Variants in LIMS1 observed in about 807,000 individuals in gnomAD.
LIMS1 encodes the protein LIM zinc finger domain containing 1.
A neutral mutation model predicts 44.1 loss-of-function variants in LIMS1; 18 were observed. That is an observed-to-expected ratio of 0.41 (90% CI 0.28 to 0.61). LIMS1 has a LOEUF of 0.61. Ranked by LOEUF, LIMS1 falls within the 20% of genes least tolerant of loss-of-function variation. The probability of loss-of-function intolerance (pLI) is 0.32; values close to 1 mark genes in which losing one functional copy is unlikely to be tolerated. For missense variants in LIMS1, 201 were observed against 422.0 expected (o/e 0.48, Z 4.59); for synonymous variants, 93 against 149.1 (o/e 0.62, Z 2.74).
intron 1 of LIMS1, among the ~76,000 whole-genome samples, chr2:108,584,013 G>C (rs1685996495): frequency 6.6e-6 from 1 of 151,956 alleles, no homozygotes. Context: ...GTTTCTATGT[G>C]AGACTGATAA....
intron 5 of LIMS1, among the ~76,000 whole-genome samples, chr2:108,674,850 T>A (rs1195014242): frequency 6.6e-6 from 1 of 150,908 alleles, no homozygotes; most frequent in Non-Finnish European, 1.5e-5. Flanking sequence ...CTCTTGGGGA[T>A]TCACCTCTGT....
chr2:108,630,459 TGTTGGA>T (rs1688848700), intron 1 of LIMS1, among the ~76,000 whole-genome samples: 1 of 152,232 alleles, frequency 6.6e-6, no homozygotes, highest in Admixed American at 6.5e-5. Context: ...ACTTGATGAC[TGTTGGA>T]GTTGGATAAT....
At chr2:108,563,586 T>TA (rs1171194482) in intron 1 of LIMS1, among the ~76,000 whole-genome samples, 1 of 152,220 alleles carries the variant, frequency 6.6e-6, no homozygotes, top group African/African-American at 2.4e-5. Context: ...AATTTCATGA[T>TA]AAAACTTGAA....
intron 1 of LIMS1, among the ~76,000 whole-genome samples, chr2:108,543,777 A>G (rs1167462046): frequency 6.6e-6 from 1 of 152,212 alleles, no homozygotes; most frequent in Non-Finnish European, 1.5e-5. Context: ...GAAAACTGCA[A>G]TTTTGAGTTG....
At chr2:108,622,848 A>G (rs566975953) in intron 1 of LIMS1, among the ~76,000 whole-genome samples, 1 of 152,162 alleles carries the variant, frequency 6.6e-6, no homozygotes, top group African/African-American at 2.4e-5. Context: ...TAAGTTATAT[A>G]AAAAAAATTC....
intron 1 of LIMS1, among the ~76,000 whole-genome samples, chr2:108,647,077 TAAA>T: frequency 6.6e-6 from 1 of 151,570 alleles, no homozygotes; most frequent in Middle Eastern, 3.4e-3. Flanking sequence ...GTGAGAATAA[TAAA>T]GAAGAAAAGA....
At position 108,636,240 on chromosome 2, in the gene LIMS1, C is replaced by A. The variant is rs369618446; in HGVS notation, c.33-23365C>A. On this transcript the variant is annotated intron_variant, in intron 1 of 9. Transcript: ENST00000544547. Reference sequence around the variant, plus strand: ...CTGGCACAGATTGCTGGAAATCCTCCTTTCCAATACCAGAGAAGGCTGTTC... The same window carrying A: ...CTGGCACAGATTGCTGGAAATCCTCATTTCCAATACCAGAGAAGGCTGTTC... Among the ~76,000 whole-genome samples, 33 of 152,350 alleles carry A rather than the reference C, an allele frequency of 2.2e-4. 1 individual carries two copies. In the East Asian group the frequency reaches 2.5e-3, roughly 12 times the overall value.
At chr2:108,568,299 G>A (rs1685363718) in intron 1 of LIMS1, among the ~76,000 whole-genome samples, 1 of 152,142 alleles carries the variant, frequency 6.6e-6, no homozygotes, top group South Asian at 2.1e-4. Flanking sequence ...TTGTTCTTTT[G>A]TGACTGGCTT....
intron 1 of LIMS1, among the ~76,000 whole-genome samples, chr2:108,556,331 A>G (rs1684924171): frequency 6.6e-6 from 1 of 152,118 alleles, no homozygotes; most frequent in Admixed American, 6.6e-5. Flanking sequence ...GTACTTGTTT[A>G]TCCATTTATC....
At chr2:108,555,063 G>A (rs576476778) in intron 1 of LIMS1, among the ~76,000 whole-genome samples, 16 of 152,236 alleles carry the variant, frequency 1.1e-4, no homozygotes, top group African/African-American at 3.4e-4. Flanking sequence ...CATTTTCTTC[G>A]GTTACTTCCC....
chr2:108,661,277 C>T (rs1326575678), intron 2 of LIMS1, among the ~76,000 whole-genome samples: 2 of 150,252 alleles, frequency 1.3e-5, no homozygotes, highest in Non-Finnish European at 3.0e-5. Flanking sequence ...AACACACATT[C>T]CCAACAACAA....
chr2:108,568,323 A>G (rs747996859), intron 1 of LIMS1, among the ~76,000 whole-genome samples: 5 of 152,222 alleles, frequency 3.3e-5, no homozygotes, highest in Non-Finnish European at 7.3e-5. Context: ...ATTTCACTTC[A>G]CATAATGTCC....
At chr2:108,682,404 A>G (rs1309141749) in intron 9 of LIMS1, among the ~76,000 whole-genome samples, 1 of 152,038 alleles carries the variant, frequency 6.6e-6, no homozygotes, top group Admixed American at 6.6e-5. Context: ...CGAGGCTGAG[A>G]CAGGAGAATC....
intron 2 of LIMS1, among the ~76,000 whole-genome samples, chr2:108,661,445 T>C (rs970718559): frequency 6.6e-6 from 1 of 152,004 alleles, no homozygotes; most frequent in Non-Finnish European, 1.5e-5. Context: ...GGGAATCTTT[T>C]GGGCAAGGAT....
At chr2:108,671,888 T>G (rs1229045103) in intron 3 of LIMS1, among the ~76,000 whole-genome samples, 3 of 152,176 alleles carry the variant, frequency 2.0e-5, no homozygotes, top group African/African-American at 7.2e-5. Flanking sequence ...ACATAAAAAG[T>G]TCTTCTACTG....
chr2:108,589,449 G>C (rs1474586469), intron 1 of LIMS1, among the ~76,000 whole-genome samples: 2 of 151,924 alleles, frequency 1.3e-5, no homozygotes, highest in Non-Finnish European at 2.9e-5. Flanking sequence ...TCCTAATTTT[G>C]TACCTGTTGA....
chr2:108,604,148 T>G (rs1687151018), intron 1 of LIMS1, among the ~76,000 whole-genome samples: 1 of 152,232 alleles, frequency 6.6e-6, no homozygotes, highest in African/African-American at 2.4e-5. Flanking sequence ...CCAAAATTCC[T>G]CTTGTTATTT....
chr2:108,595,677 C>G (rs1367850189), intron 1 of LIMS1, among the ~76,000 whole-genome samples: 1 of 152,080 alleles, frequency 6.6e-6, no homozygotes, highest in Non-Finnish European at 1.5e-5. Flanking sequence ...CAGTGTACCC[C>G]CCAGGTCCTG....
intron 1 of LIMS1, among the ~76,000 whole-genome samples, chr2:108,657,285 A>G (rs1224150827): frequency 6.6e-6 from 1 of 151,076 alleles, no homozygotes; most frequent in African/African-American, 2.4e-5. Context: ...ATGATCCAGG[A>G]CATTCTAGAA....
Sources: gnomAD v4.1 joint callset for allele counts (sites outside exome capture counted in the v4.1 genomes callset) on GRCh38, gnomAD v4.1.1 for gene constraint, MANE v1.5 for transcripts, NCBI Gene and HGNC (gene_info 2026-07-23, HGNC 2026-07-21) for gene names.